Variants in MTUS2 observed in about 807,000 individuals in gnomAD.
MTUS2 encodes the protein microtubule-associated tumor suppressor candidate 2.
MTUS2 carries 40 observed loss-of-function variants against 114.1 expected under a neutral mutation model. The observed-to-expected ratio is 0.35, with a 90% confidence interval of 0.27 to 0.46. The LOEUF (loss-of-function observed/expected upper bound fraction) is 0.46. Ranked by LOEUF, MTUS2 falls within the 20% of genes least tolerant of loss-of-function variation. The pLI is 1.00. For missense variants in MTUS2, 1,679 were observed against 1,705.4 expected, an observed-to-expected ratio of 0.98 and a Z score of 0.27; for synonymous variants, 688 against 672.0, an observed-to-expected ratio of 1.02 and a Z score of -0.37.
chr13:29,077,520 G>C (rs1889246379), intron 4 of MTUS2, among the ~76,000 whole-genome samples: 1 of 152,164 alleles, frequency 6.6e-6, no homozygotes, highest in Non-Finnish European at 1.5e-5. Flanking sequence ...CATTCTGCTT[G>C]ATGTGTTTTG....
chr13:29,154,740 A>G (rs1014011373), intron 5 of MTUS2, among the ~76,000 whole-genome samples: 1 of 152,236 alleles, frequency 6.6e-6, no homozygotes, highest in Admixed American at 6.5e-5. Context: ...AAATTATTTC[A>G]TATGGCTAAG....
At chr13:29,372,625 C>T (rs933804242) in intron 8 of MTUS2, among the ~76,000 whole-genome samples, 1 of 152,198 alleles carries the variant, frequency 6.6e-6, no homozygotes, top group African/African-American at 2.4e-5. Context: ...GTGACAGCCA[C>T]AAGCTGCTAT....
At chr13:28,829,795 A>G (rs1162300439) in intron 1 of MTUS2, among the ~76,000 whole-genome samples, 1 of 152,222 alleles carries the variant, frequency 6.6e-6, no homozygotes, top group Admixed American at 6.5e-5. Flanking sequence ...AAAAACTTAA[A>G]AGGAAAAATT....
chr13:29,044,553 A>T (rs140523813), intron 4 of MTUS2, among the ~76,000 whole-genome samples: 1 of 152,106 alleles, frequency 6.6e-6, no homozygotes, highest in African/African-American at 2.4e-5. Context: ...AGGGACTCCA[A>T]TTACACATAT....
At chr13:29,458,051 C>T (rs138528474) in intron 9 of MTUS2, among the ~76,000 whole-genome samples, 36 of 152,252 alleles carry the variant, frequency 2.4e-4, no homozygotes, top group African/African-American at 7.5e-4. Flanking sequence ...TGCACCTGGC[C>T]GAGCACTTTT....
intron 5 of MTUS2, among the ~76,000 whole-genome samples, chr13:29,236,132 T>G (rs1896526695): frequency 6.6e-6 from 1 of 152,186 alleles, no homozygotes; most frequent in Admixed American, 6.5e-5. Flanking sequence ...CTCTTTCTCC[T>G]CTAATTTATT....
intron 8 of MTUS2, among the ~76,000 whole-genome samples, chr13:29,362,636 G>A (rs891934022): frequency 1.3e-5 from 2 of 152,110 alleles, no homozygotes; most frequent in African/African-American, 2.4e-5. Context: ...GCAGTGAACC[G>A]AGATTGCTCC....
rs1425382310 is a variant in MTUS2, at chr13:29,325,488, GA to G, written c.2905+778del. ...AAAAAAAAGAAAAGAAGAAGAGGAA[GA>G]GGGAGGAGGAGGAGGAGGAGAAGGA... On this transcript the variant is annotated intron_variant, in intron 7 of 15. Coordinates refer to ENST00000612955, the MANE Select transcript of MTUS2 (RefSeq NM_001033602.4). 3.5e-3 allele frequency among the ~76,000 whole-genome samples: 253 copies of G among 73,074 alleles called. 1 individual carries two copies. Among genetic ancestry groups the G allele is most frequent in the Middle Eastern group, 0.014 (2 of 140 alleles). The allele number at this position is 73,074 out of a possible 152,430, so 47.9% of individuals were successfully genotyped here.
At chr13:29,006,777 C>G (rs1885621042) in intron 2 of MTUS2, among the ~76,000 whole-genome samples, 1 of 152,174 alleles carries the variant, frequency 6.6e-6, no homozygotes. Flanking sequence ...TCAGAAACAT[C>G]CTGAGTTGCC....
At chr13:29,132,707 A>G (rs1891818021) in intron 5 of MTUS2, among the ~76,000 whole-genome samples, 1 of 152,212 alleles carries the variant, frequency 6.6e-6, no homozygotes, top group Non-Finnish European at 1.5e-5. Context: ...TTAAGTCTGA[A>G]TAATATTCCT....
chr13:29,197,790 T>C (rs1894765299), intron 5 of MTUS2, among the ~76,000 whole-genome samples: 1 of 152,212 alleles, frequency 6.6e-6, no homozygotes. Context: ...TGGTTTTGAT[T>C]TGCATTTCTC....
chr13:29,239,511 G>A (rs1056660916), intron 5 of MTUS2: 4 of 152,080 alleles, frequency 2.6e-5, no homozygotes, highest in Admixed American at 6.5e-5. Flanking sequence ...CTATTAATTT[G>A]CTTCAATTAA....
chr13:29,191,743 G>T (rs951529244), intron 5 of MTUS2, among the ~76,000 whole-genome samples: 6 of 152,126 alleles, frequency 3.9e-5, no homozygotes. Flanking sequence ...GCCCCACGAA[G>T]AAAAATAAAT....
intron 5 of MTUS2, among the ~76,000 whole-genome samples, chr13:29,137,641 A>G (rs2138986500): frequency 6.6e-6 from 1 of 150,826 alleles, no homozygotes; most frequent in Middle Eastern, 3.4e-3. Flanking sequence ...TTTTTGAGAC[A>G]AGTCTCACCC....
intron 5 of MTUS2, among the ~76,000 whole-genome samples, chr13:29,240,756 G>A (rs184147479): frequency 6.6e-6 from 1 of 152,174 alleles, no homozygotes; most frequent in Non-Finnish European, 1.5e-5. Flanking sequence ...GCAAACAAAT[G>A]CAGTTTTTAC....
At chr13:28,922,403 A>G (rs1014682265) in intron 2 of MTUS2, among the ~76,000 whole-genome samples, 2 of 152,194 alleles carry the variant, frequency 1.3e-5, no homozygotes, top group Non-Finnish European at 2.9e-5. Flanking sequence ...TTGCCTAGGA[A>G]TTGCAGTCCT....
chr13:29,344,483 G>A (rs1196691093), intron 7 of MTUS2, among the ~76,000 whole-genome samples: 1 of 152,008 alleles, frequency 6.6e-6, no homozygotes, highest in African/African-American at 2.4e-5. Flanking sequence ...CTCATTTTTG[G>A]TGTCCATTTG....
At chr13:29,296,070 G>A (rs981939750) in intron 6 of MTUS2, among the ~76,000 whole-genome samples, 2 of 152,188 alleles carry the variant, frequency 1.3e-5, no homozygotes, top group Non-Finnish European at 2.9e-5. Context: ...TACCTTGGCT[G>A]TTGTGACTGG....
In MTUS2 at chr13:29,503,797, T is replaced by C. The variant is rs751942168; in HGVS notation, c.*591T>C. 4.2e-6 allele frequency: 1 copy of C among 235,326 alleles called. No homozygotes were observed. Among genetic ancestry groups the C allele is most frequent in the African/African-American group, 2.2e-5 (1 of 44,982 alleles). 14.6% of individuals were successfully genotyped at this position (235,326 alleles called of 1,614,324 possible). On this transcript the variant is annotated 3_prime_UTR_variant, in exon 16 of 16. Coordinates refer to ENST00000612955, the MANE Select transcript of MTUS2 (RefSeq NM_001033602.4). ...CTTTCAACTCACCACCAAGTGGTAC[T>C]CTCTTTAACACGAACACCAGCTATT... is the stretch of plus-strand genomic sequence containing the variant.
Sources: allele counts gnomAD v4.1 joint callset (sites outside exome capture counted in the v4.1 genomes callset), GRCh38; gene constraint gnomAD v4.1.1; transcripts MANE v1.5; gene names NCBI Gene and HGNC (gene_info 2026-07-23, HGNC 2026-07-21).